Variants in HPSE2 observed in about 807,000 individuals in gnomAD.
The protein encoded by HPSE2 is inactive heparanase-2.
Under a neutral mutation model 60.5 loss-of-function variants are expected in HPSE2, and 38 were observed. The observed-to-expected ratio is 0.63, with a 90% confidence interval of 0.48 to 0.82. The LOEUF is 0.82. HPSE2 is among the 40% of genes least tolerant of loss of function. The pLI, the probability that HPSE2 is intolerant of heterozygous loss-of-function variation, is 0.00. For missense variants in HPSE2, 713 were observed against 740.4 expected, an observed-to-expected ratio of 0.96 and a Z score of 0.43; for synonymous variants, 295 against 293.2, an observed-to-expected ratio of 1.01 and a Z score of -0.06.
intron 3 of HPSE2, among the ~76,000 whole-genome samples, chr10:99,008,177 A>G (rs1016906819): frequency 3.3e-5 from 5 of 152,218 alleles, no homozygotes; most frequent in African/African-American, 1.2e-4. Context: ...ACATGTGTTT[A>G]TCTGCAAAAG....
At chr10:98,605,041 A>G (rs1442070163) in intron 9 of HPSE2, among the ~76,000 whole-genome samples, 1 of 152,208 alleles carries the variant, frequency 6.6e-6, no homozygotes, top group African/African-American at 2.4e-5. Flanking sequence ...TTATTTGGGT[A>G]ACTAATATTA....
chr10:98,532,972 G>T (rs961627444), intron 9 of HPSE2, among the ~76,000 whole-genome samples: 1 of 152,120 alleles, frequency 6.6e-6, no homozygotes, highest in Admixed American at 6.6e-5. Flanking sequence ...GATGCTCTGG[G>T]CTTACTTTGA....
At chr10:99,162,589 A>G (rs1846887809) in intron 2 of HPSE2, among the ~76,000 whole-genome samples, 1 of 152,166 alleles carries the variant, frequency 6.6e-6, no homozygotes, top group African/African-American at 2.4e-5. Flanking sequence ...AGGTTCACAG[A>G]CTTTAGAAGA....
At chr10:98,693,970 A>C in intron 5 of HPSE2, 23 bp from the exon 6 acceptor site, 1 of 1,581,084 alleles carries the variant, frequency 6.3e-7, no homozygotes, top group South Asian at 1.1e-5. Context: ...GAAAGAAAAA[A>C]GATATTACAA....
intron 3 of HPSE2, among the ~76,000 whole-genome samples, chr10:99,140,948 A>C (rs546776402): frequency 3.3e-5 from 5 of 152,270 alleles, no homozygotes; most frequent in Admixed American, 1.3e-4. Context: ...GAGGCAGAAG[A>C]ATCGCTTGAA....
chr10:98,572,177 G>T (rs1944516608), intron 9 of HPSE2, among the ~76,000 whole-genome samples: 1 of 152,052 alleles, frequency 6.6e-6, no homozygotes, highest in Non-Finnish European at 1.5e-5. Context: ...CTGACCTCAG[G>T]TGATCTGCCC....
chr10:99,289,180 C>A, the HPSE2 span, among the ~76,000 whole-genome samples: 3 of 152,088 alleles, frequency 2.0e-5, no homozygotes, highest in African/African-American at 7.2e-5. Context: ...ATGTTTGAAA[C>A]CATCCACAGT....
intron 5 of HPSE2, among the ~76,000 whole-genome samples, chr10:98,715,656 A>T (rs1414967): frequency 0.038 from 5,827 of 152,124 alleles, 247 homozygotes; most frequent in East Asian, 0.17. Context: ...TGTTTACACT[A>T]TACCATAGTC....
chr10:98,773,900 T>C (rs962651861), intron 3 of HPSE2, among the ~76,000 whole-genome samples: 1 of 151,900 alleles, frequency 6.6e-6, no homozygotes, highest in African/African-American at 2.4e-5. Flanking sequence ...TACAAAAAAT[T>C]TTAAAAATTA....
chr10:98,733,309 A>G (rs1430811662), intron 4 of HPSE2, among the ~76,000 whole-genome samples: 1 of 151,866 alleles, frequency 6.6e-6, no homozygotes, highest in Non-Finnish European at 1.5e-5. Flanking sequence ...TTTTGTAGAG[A>G]TGGGGTTTCA....
intron 3 of HPSE2, among the ~76,000 whole-genome samples, chr10:98,887,597 T>A (rs970586009): frequency 3.9e-5 from 6 of 151,918 alleles, no homozygotes; most frequent in African/African-American, 1.5e-4. Flanking sequence ...CAAGAAATAC[T>A]CTCAGGGATG....
intron 2 of HPSE2, among the ~76,000 whole-genome samples, chr10:99,195,964 A>C (rs1235197062): frequency 6.6e-6 from 1 of 152,166 alleles, no homozygotes; most frequent in Non-Finnish European, 1.5e-5. Context: ...ATTATACTGC[A>C]GAGGTATAGT....
At chr10:99,058,112 G>A (rs1197337338) in intron 3 of HPSE2, among the ~76,000 whole-genome samples, 1 of 152,152 alleles carries the variant, frequency 6.6e-6, no homozygotes, top group Admixed American at 6.5e-5. Context: ...CATGACAAAT[G>A]GGCAGCACAG....
intron 3 of HPSE2, among the ~76,000 whole-genome samples, chr10:98,752,439 C>T (rs1949780226): frequency 6.6e-6 from 1 of 152,126 alleles, no homozygotes; most frequent in Non-Finnish European, 1.5e-5. Flanking sequence ...ATTAACCTAA[C>T]ATAGATCTTG....
intron 4 of HPSE2, among the ~76,000 whole-genome samples, chr10:98,734,767 GTCT>G (rs1284839800): frequency 6.6e-6 from 1 of 151,756 alleles, no homozygotes. Flanking sequence ...CAAGAAGTAG[GTCT>G]TCATCATGAC....
intron 9 of HPSE2, among the ~76,000 whole-genome samples, chr10:98,564,861 C>A (rs557920062): frequency 6.6e-6 from 1 of 152,142 alleles, no homozygotes; most frequent in Non-Finnish European, 1.5e-5. Context: ...ATTGAAAGTT[C>A]TTCTGAAAAT....
intron 9 of HPSE2, among the ~76,000 whole-genome samples, chr10:98,508,093 G>A (rs1942260799): frequency 6.6e-6 from 1 of 152,062 alleles, no homozygotes. Flanking sequence ...TCCAAAGGAA[G>A]GCATGCATTA....
At chr10:99,189,972 G>A (rs1041553862) in intron 2 of HPSE2, among the ~76,000 whole-genome samples, 1 of 152,162 alleles carries the variant, frequency 6.6e-6, no homozygotes, top group Non-Finnish European at 1.5e-5. Flanking sequence ...AACCCTCTGC[G>A]AACTAGCCTA....
At chr10:99,032,973 C>A (rs774556605) in intron 3 of HPSE2, among the ~76,000 whole-genome samples, 11 of 152,190 alleles carry the variant, frequency 7.2e-5, no homozygotes, top group Non-Finnish European at 1.2e-4. Flanking sequence ...GGTCAACTGA[C>A]TAGAAACCTT....
Sources: allele counts gnomAD v4.1 joint callset (sites outside exome capture counted in the v4.1 genomes callset), GRCh38; gene constraint gnomAD v4.1.1; transcripts MANE v1.5; gene names NCBI Gene and HGNC (gene_info 2026-07-23, HGNC 2026-07-21).